Variants in SGIP1 observed in about 807,000 individuals in gnomAD.
SGIP1 encodes the protein SH3GL interacting endocytic adaptor 1.
A neutral mutation model predicts 107.5 loss-of-function variants in SGIP1; 38 were observed. The observed-to-expected ratio is 0.35, with a 90% CI of 0.27 to 0.46. The LOEUF is 0.46. Among genes scored for constraint, SGIP1 ranks in the 20% least tolerant of loss-of-function variants. The pLI is 1.00. For synonymous variants in SGIP1, 365 were observed against 366.1 expected (o/e 1.00, Z 0.03); for missense variants, 929 against 1,019.5 (o/e 0.91, Z 1.21).
intron 4 of SGIP1, among the ~76,000 whole-genome samples, chr1:66,638,242 C>G (rs1399882354): frequency 6.6e-6 from 1 of 151,928 alleles, no homozygotes; most frequent in Non-Finnish European, 1.5e-5. Context: ...AAATAGGAGC[C>G]CTGTCTATTC....
intron 5 of SGIP1, 104 bp from the exon 6 acceptor site, chr1:66,642,706 A>G (rs2077002500): frequency 1.0e-6 from 1 of 960,914 alleles, no homozygotes; most frequent in African/African-American, 1.7e-5. Flanking sequence ...ATCTCCTAAA[A>G]GAAAAGACTT....
intron 1 of SGIP1, among the ~76,000 whole-genome samples, chr1:66,571,254 C>A (rs955986399): frequency 2.0e-5 from 3 of 151,954 alleles, no homozygotes; most frequent in Non-Finnish European, 4.4e-5. Context: ...TCAGGTTTCT[C>A]CAGTAACTCA....
intron 24 of SGIP1, among the ~76,000 whole-genome samples, chr1:66,742,402 A>G (rs1471830885): frequency 6.8e-6 from 1 of 146,882 alleles, no homozygotes; most frequent in African/African-American, 2.5e-5. Flanking sequence ...TATTAATTAT[A>G]CCCTTTTCGC....
At chr1:66,639,645 C>T in intron 4 of SGIP1, 132 bp from the exon 5 acceptor site, 1 of 699,828 alleles carries the variant, frequency 1.4e-6, no homozygotes, top group Non-Finnish European at 2.5e-6. Context: ...CCTTAATAAA[C>T]TGCTCTAATA....
At chr1:66,623,926 T>C (rs1398151954) in intron 1 of SGIP1, among the ~76,000 whole-genome samples, 3 of 152,250 alleles carry the variant, frequency 2.0e-5, no homozygotes, top group Non-Finnish European at 4.4e-5. Flanking sequence ...ATGTTGGCTA[T>C]TGTCCAAACT....
At chr1:66,567,223 C>T (rs1280577949) in intron 1 of SGIP1, among the ~76,000 whole-genome samples, 2 of 152,136 alleles carry the variant, frequency 1.3e-5, no homozygotes, top group African/African-American at 4.8e-5. Context: ...GATGGTATCT[C>T]ATTGTGGTTT....
intron 1 of SGIP1, among the ~76,000 whole-genome samples, chr1:66,618,287 GTA>G (rs1158329695): frequency 6.6e-6 from 1 of 152,154 alleles, no homozygotes; most frequent in African/African-American, 2.4e-5. Context: ...GGTCCATCTG[GTA>G]TAGTTTGGGG....
At chr1:66,668,045 G>C (rs17129302) in intron 9 of SGIP1, among the ~76,000 whole-genome samples, 1 of 152,072 alleles carries the variant, frequency 6.6e-6, no homozygotes, top group South Asian at 2.1e-4. Flanking sequence ...TTGGGAGAGG[G>C]AGACACACTT....
At position 66,744,811 on chromosome 1, in the gene SGIP1, C is replaced by G. The variant is rs1440687247; in HGVS notation, c.*1716C>G. ...TACTATTCAACAAACTCTCAGTTGG[C>G]CCCCTACAGCAGTCTGGTGTTGAAG... is the stretch of plus-strand genomic sequence containing the variant. On this transcript the variant is annotated 3_prime_UTR_variant, in exon 25 of 25. Coordinates refer to ENST00000371037, the MANE Select transcript of SGIP1 (RefSeq NM_032291.4). 6.6e-6 allele frequency: 1 copy of G among 152,360 alleles called. No individual in the cohort carries two copies. 9.4% of individuals were successfully genotyped at this position (152,360 alleles called of 1,614,324 possible). A position where few individuals can be genotyped will look rare whatever the true frequency, so the allele number is the denominator to read the frequency against.
intron 23 of SGIP1, 115 bp downstream of exon 23, chr1:66,740,837 A>G (rs991683837): frequency 1.5e-6 from 1 of 676,074 alleles, no homozygotes; most frequent in Non-Finnish European, 2.5e-6. Flanking sequence ...ATTTCACTCC[A>G]TTTTTGCGTT....
chr1:66,593,488 C>T (rs911059152), intron 1 of SGIP1, among the ~76,000 whole-genome samples: 1 of 152,198 alleles, frequency 6.6e-6, no homozygotes, highest in Non-Finnish European at 1.5e-5. Context: ...TGTCATAGCA[C>T]TTACTACAAC....
At chr1:66,598,391 T>A (rs1014294013) in intron 1 of SGIP1, among the ~76,000 whole-genome samples, 1 of 152,228 alleles carries the variant, frequency 6.6e-6, no homozygotes, top group Non-Finnish European at 1.5e-5. Context: ...ATGCTTTAAA[T>A]TTCCCAGGAA....
chr1:66,691,072 C>T (rs72920326), intron 17 of SGIP1, among the ~76,000 whole-genome samples: 3,205 of 152,214 alleles, frequency 0.021, 113 homozygotes, highest in African/African-American at 0.074. Context: ...TATTGCCTCT[C>T]TCATTTTTGC....
chr1:66,575,208 A>C (rs144799983), intron 1 of SGIP1, among the ~76,000 whole-genome samples: 5 of 152,274 alleles, frequency 3.3e-5, no homozygotes, highest in African/African-American at 1.2e-4. Context: ...TCTTCCAGGA[A>C]TTTAGAAAGC....
chr1:66,741,261 T>C lies in SGIP1; in HGVS notation c.2300-11T>C, dbSNP rs76751942. 4 of 1,525,290 alleles carry C rather than the reference T, an allele frequency of 2.6e-6. No homozygotes were observed. The highest frequency in any genetic ancestry group is 4.7e-5 in the East Asian group (2 of 42,426). 94.5% of individuals were successfully genotyped at this position (1,525,290 alleles called of 1,614,324 possible). On this transcript the variant is annotated splice_polypyrimidine_tract_variant and intron_variant, in intron 23 of 24. Coordinates refer to ENST00000371037, the MANE Select transcript of SGIP1 (RefSeq NM_032291.4). ...TTGACTGTTACCTTGTAATAATGTG[T>C]TTTTTTTTAGGGGTGGGTTCTTTGT...
At chr1:66,658,225 C>T (rs1018652986) in intron 7 of SGIP1, among the ~76,000 whole-genome samples, 8 of 152,164 alleles carry the variant, frequency 5.3e-5, no homozygotes, top group Non-Finnish European at 1.2e-4. Context: ...CTGAAAACTA[C>T]AAGGATGTAG....
Position 66,750,734 on chromosome 1 carries a change from A to G in SGIP1, c.*7639A>G, listed in dbSNP as rs2150845608. ...CTGTAATGAAAGCTTTACTGCTTCT[A>G]TGCTGTGCTCAAGAGAAAACCAACA... On this transcript the variant is annotated 3_prime_UTR_variant, in exon 25 of 25. Transcript: ENST00000371037. 6.6e-6 allele frequency among the ~76,000 whole-genome samples: 1 copy of G among 151,950 alleles called. No homozygotes were observed. The highest frequency in any genetic ancestry group is 2.1e-4 in the South Asian group (1 of 4,828).
intron 8 of SGIP1, 32 bp from the exon 9 acceptor site, chr1:66,667,498 G>A: frequency 6.2e-7 from 1 of 1,609,596 alleles, no homozygotes; most frequent in Non-Finnish European, 8.5e-7. Flanking sequence ...CTGACTAGGT[G>A]TCTGTTCTCT....
chr1:66,669,295 A>C (rs1274408013), intron 9 of SGIP1, among the ~76,000 whole-genome samples: 2 of 152,170 alleles, frequency 1.3e-5, no homozygotes, highest in African/African-American at 4.8e-5. Context: ...ATGACTACAA[A>C]AGGAGCTCTG....
Sources: allele counts gnomAD v4.1 joint callset (sites outside exome capture counted in the v4.1 genomes callset), GRCh38; gene constraint gnomAD v4.1.1; transcripts MANE v1.5; gene names NCBI Gene and HGNC (gene_info 2026-07-23, HGNC 2026-07-21).